The following CSRNP2 variants were observed in gnomAD, a reference collection of about 807,000 sequenced individuals.
CSRNP2 encodes the protein cysteine/serine-rich nuclear protein 2.
Under a neutral mutation model 36.6 loss-of-function variants are expected in CSRNP2, and 11 were observed. The observed-to-expected ratio is 0.30, with a 90% CI of 0.19 to 0.50. CSRNP2 has a LOEUF of 0.50. Among genes scored for constraint, CSRNP2 ranks in the 20% least tolerant of loss-of-function variants. The probability of loss-of-function intolerance (pLI) is 0.98; values close to 1 mark genes in which losing one functional copy is unlikely to be tolerated. For missense variants in CSRNP2, 483 were observed against 691.4 expected (o/e 0.70, Z 3.38); for synonymous variants, 248 against 275.3 (o/e 0.90, Z 0.98).
In CSRNP2 at chr12:51,076,610, C is replaced by T. The variant is rs1478649333; in HGVS notation, c.-49G>A. On this transcript the variant is annotated 5_prime_UTR_variant, in exon 2 of 5. Coordinates refer to ENST00000228515, the MANE Select transcript of CSRNP2 (RefSeq NM_030809.3). ...GGAGCCCACCAAGTTGGCCCCAAAG[C>T]CCCTACTCACCACCAGCTAGCCAGG... The T allele has an allele frequency of 1.2e-6, 2 of 1,606,656 alleles. No homozygotes were observed. The highest frequency in any genetic ancestry group is 4.5e-5 in the East Asian group (2 of 44,798).
At chr12:51,078,578 A>G (rs956213013) in intron 1 of CSRNP2, among the ~76,000 whole-genome samples, 10 of 152,174 alleles carry the variant, frequency 6.6e-5, no homozygotes, top group Admixed American at 5.9e-4. Flanking sequence ...AAAGATACCG[A>G]TCAACAAGAA....
At chr12:51,081,761 T>C (rs2136937927) in intron 1 of CSRNP2, among the ~76,000 whole-genome samples, 1 of 152,282 alleles carries the variant, frequency 6.6e-6, no homozygotes, top group East Asian at 1.9e-4. Context: ...AGAATATGTA[T>C]ATTTTAGTAC....
chr12:51,075,026 C>G (rs1939338914), intron 2 of CSRNP2, among the ~76,000 whole-genome samples: 1 of 152,180 alleles, frequency 6.6e-6, no homozygotes, highest in African/African-American at 2.4e-5. Context: ...GATTGTGCCA[C>G]TGCACTTCAG....
chr12:51,067,598 C>T lies in CSRNP2; in HGVS notation c.708+75G>A, dbSNP rs1938536926. On this transcript the variant is annotated intron_variant, in intron 4 of 4. Coordinates refer to ENST00000228515, the MANE Select transcript of CSRNP2 (RefSeq NM_030809.3). The surrounding 1 kb of genome is among the most constrained non-coding windows in gnomAD (Gnocchi z 4.1). ...GGAATCCACCCCTGAATGGGCCTCC[C>T]ATGTTCAGTGGCACCCACACCTCAC... 6.9e-6 allele frequency: 10 copies of T among 1,447,696 alleles called. 1 individual carries two copies. In the South Asian group the frequency reaches 1.1e-4, roughly 16 times the overall value. 89.7% of individuals were successfully genotyped at this position (1,447,696 alleles called of 1,614,324 possible). A position where few individuals can be genotyped will look rare whatever the true frequency, so the allele number is the denominator to read the frequency against.
At chr12:51,082,840 C>T (rs1939694695) in intron 1 of CSRNP2, 1 of 152,262 alleles carries the variant, frequency 6.6e-6, no homozygotes, top group Admixed American at 6.5e-5. Flanking sequence ...CTGCCGAACC[C>T]TTCAGCTCTC....
intron 4 of CSRNP2, among the ~76,000 whole-genome samples, chr12:51,065,434 C>T (rs1938070381): frequency 6.6e-6 from 1 of 152,140 alleles, no homozygotes; most frequent in Admixed American, 6.5e-5. Context: ...AGCAAATAAG[C>T]ATGTACAAAT....
chr12:51,069,688 TTTTC>T (rs1938874744), intron 3 of CSRNP2, among the ~76,000 whole-genome samples: 1 of 148,372 alleles, frequency 6.7e-6, no homozygotes, highest in African/African-American at 2.6e-5. Context: ...GGGTTTTTTT[TTTTC>T]TTTTTTTTCT....
Position 51,064,283 on chromosome 12 carries a change from C to T in CSRNP2, c.1095G>A (p.Leu365=). Residue 365 remains leucine, a synonymous_variant, in exon 5 of 5, where the codon CTG becomes CTA. Coordinates refer to ENST00000228515, the MANE Select transcript of CSRNP2 (RefSeq NM_030809.3). ...SLGVCILEEP[L]AVPEELCPGL... is the part of the protein sequence containing the mutation. ...CTGGGCACAGCTCTTCGGGGACAGC[C>T]AGAGGCTCCTCTAGGATGCACACAC... 1 of 1,613,008 alleles carries T rather than the reference C, an allele frequency of 6.2e-7. No individual in the cohort carries two copies. Among genetic ancestry groups the T allele is most frequent in the South Asian group, 1.1e-5 (1 of 90,992 alleles).
chr12:51,065,507 T>C (rs1235059112), intron 4 of CSRNP2, among the ~76,000 whole-genome samples: 1 of 152,212 alleles, frequency 6.6e-6, no homozygotes, highest in Non-Finnish European at 1.5e-5. Context: ...CATTTTTTTT[T>C]CCTTTGGAGA....
At chr12:51,066,048 G>A (rs971803492) in intron 4 of CSRNP2, among the ~76,000 whole-genome samples, 47 of 152,154 alleles carry the variant, frequency 3.1e-4, no homozygotes, top group African/African-American at 9.7e-4. Flanking sequence ...GGCCAGGCAC[G>A]GTGGCTCATG....
rs368325826 is a variant in CSRNP2 at position 51,064,074 on chromosome 12, C to G, written c.1304G>C (p.Gly435Ala). ...GAAAGAGGCTGAGCCTTCTTCCGTA[C>G]CAGGCTCTCCTTTCACTCCCAAGAC... ...RPVLGVKGEPGTEEGSASFPK... is the reference protein window; with the variant it reads ...RPVLGVKGEPATEEGSASFPK... The change falls in exon 5 of 5, where the codon GGT (glycine) becomes GCT (alanine). Residue 435 changes from glycine to alanine, a missense_variant. Transcript: ENST00000228515. 7.7e-5 allele frequency: 125 copies of G among 1,614,058 alleles called. No homozygotes were observed. The highest frequency in any genetic ancestry group is 1.6e-4 in the Middle Eastern group (1 of 6,078).
intron 1 of CSRNP2, among the ~76,000 whole-genome samples, chr12:51,080,988 C>G (rs1260188994): frequency 7.2e-5 from 11 of 152,158 alleles, no homozygotes; most frequent in Non-Finnish European, 1.5e-4. Flanking sequence ...GACCCTGTCT[C>G]TGTATTTTCA....
chr12:51,064,097 G>T lies in CSRNP2; in HGVS notation c.1281C>A (p.Val427=). ...LVYYQVEQRP[V]LGVKGEPGTE... is the part of the protein sequence containing the mutation. Reference sequence around the variant, plus strand: ...TACCAGGCTCTCCTTTCACTCCCAAGACTGGCCTCTGCTCCACTTGATAAT... The same window carrying T: ...TACCAGGCTCTCCTTTCACTCCCAATACTGGCCTCTGCTCCACTTGATAAT... The change falls in exon 5 of 5, where the codon GTC becomes GTA. Residue 427 remains valine (V), a synonymous_variant. Transcript: ENST00000228515. 1 of 1,614,188 alleles carries T rather than the reference G, an allele frequency of 6.2e-7. No homozygotes were observed. The highest frequency in any genetic ancestry group is 8.5e-7 in the Non-Finnish European group (1 of 1,180,024).
chr12:51,082,698 T>C (rs1478211125), intron 1 of CSRNP2: 1 of 151,492 alleles, frequency 6.6e-6, no homozygotes, highest in Non-Finnish European at 1.5e-5. Flanking sequence ...ATTGGGCCTA[T>C]GAAAAAAGAT....
At chr12:51,075,284 G>A (rs1055067299) in intron 2 of CSRNP2, among the ~76,000 whole-genome samples, 2 of 151,844 alleles carry the variant, frequency 1.3e-5, no homozygotes, top group African/African-American at 4.8e-5. Flanking sequence ...GCTAATTTTT[G>A]TATTTTTTGT....
rs1386566348 is a variant in CSRNP2 at position 51,067,348 on chromosome 12, CAAAAATT to C, written c.708+318_708+324del. On this transcript the variant is annotated intron_variant, in intron 4 of 4. Coordinates refer to ENST00000228515, the MANE Select transcript of CSRNP2 (RefSeq NM_030809.3). The surrounding 1 kb of genome is among the most constrained non-coding windows in gnomAD (Gnocchi z 4.1). The stretch of plus-strand genomic sequence containing the variant: ...AATCCTGTCATGCTTGTTTTCTTTG[CAAAAATT>C]TTAAGAGACAGGGTCTCACTCTGTG... 6.6e-6 allele frequency among the ~76,000 whole-genome samples: 1 copy of C among 151,940 alleles called. No individual in the cohort carries two copies. The highest frequency in any genetic ancestry group is 2.4e-5 in the African/African-American group (1 of 41,348).
intron 3 of CSRNP2, among the ~76,000 whole-genome samples, chr12:51,071,243 G>A (rs1259629197): frequency 1.1e-4 from 16 of 140,556 alleles, no homozygotes; most frequent in Non-Finnish European, 2.3e-4. Context: ...CTGGGCAACG[G>A]AGTGAGACCC....
Position 51,064,263 on chromosome 12 carries a change from C to A in CSRNP2, c.1115G>T (p.Cys372Phe), listed in dbSNP as rs768203184. The A allele has an allele frequency of 1.2e-6, 2 of 1,612,820 alleles. No individual in the cohort carries two copies. The highest frequency in any genetic ancestry group is 4.5e-5 in the East Asian group (2 of 44,864). Residue 372 changes from cysteine to phenylalanine, a missense_variant, in exon 5 of 5, where the codon TGC becomes TTC. Cys to Phe is a radical substitution (Grantham distance 205, BLOSUM62 -2). Coordinates refer to ENST00000228515, the MANE Select transcript of CSRNP2 (RefSeq NM_030809.3). ...EEPLAVPEEL[C>F]PGLTAPILIQ... ...GAGAATGGGGGCTGTAAGGCCTGGG[C>A]ACAGCTCTTCGGGGACAGCCAGAGG... is the stretch of plus-strand genomic sequence containing the variant.
chr12:51,078,775 G>T (rs996537337), intron 1 of CSRNP2, among the ~76,000 whole-genome samples: 3 of 152,182 alleles, frequency 2.0e-5, no homozygotes, highest in African/African-American at 7.2e-5. Flanking sequence ...CTGTTGGTGG[G>T]ACTGAAAACT....
Sources: gnomAD v4.1 joint callset for allele counts (sites outside exome capture counted in the v4.1 genomes callset) on GRCh38, gnomAD v4.1.1 for gene constraint, Gnocchi (gnomAD v3.1) non-coding constraint, MANE v1.5 for transcripts, NCBI Gene and HGNC (gene_info 2026-07-23, HGNC 2026-07-21) for gene names.